Variants in NTM observed in about 807,000 individuals in gnomAD.
The protein encoded by NTM is neurotrimin.
In NTM, 13 loss-of-function variants were observed where a neutral mutation model predicts 42.1. The observed-to-expected ratio is 0.31, with a 90% CI of 0.20 to 0.49. NTM has a LOEUF of 0.49. NTM is among the 20% of genes least tolerant of loss of function. NTM has a pLI of 0.99. For missense variants in NTM, 373 were observed against 452.8 expected, an observed-to-expected ratio of 0.82 and a Z score of 1.60; for synonymous variants, 187 against 179.2, an observed-to-expected ratio of 1.04 and a Z score of -0.35.
intron 1 of NTM, among the ~76,000 whole-genome samples, chr11:131,460,851 G>T (rs1380167468): frequency 6.6e-6 from 1 of 152,206 alleles, no homozygotes; most frequent in Non-Finnish European, 1.5e-5. Context: ...ACCGCGCCCT[G>T]CCAAGAGAGT....
intron 1 of NTM, among the ~76,000 whole-genome samples, chr11:131,702,291 A>T (rs915375859): frequency 5.9e-5 from 9 of 152,250 alleles, no homozygotes; most frequent in Admixed American, 5.2e-4. Flanking sequence ...GTAGTGATGA[A>T]GTGCCGATTC....
chr11:131,498,871 T>C lies in NTM; in HGVS notation c.82+127983T>C, dbSNP rs75939050. On this transcript the variant is annotated intron_variant, in intron 1 of 8. Coordinates refer to ENST00000683400, the MANE Select transcript of NTM (RefSeq NM_001352005.2). ...TGCTGGTAAGCAGGAGGATGCCAGC[T>C]CATGCCACGGGGACTTCTGCCTGGC... Among the ~76,000 whole-genome samples, 1,416 of 152,326 alleles carry C rather than the reference T, an allele frequency of 9.3e-3. 13 individuals carry two copies. The highest frequency in any genetic ancestry group is 0.014 in the Non-Finnish European group (957 of 68,026).
intron 1 of NTM, among the ~76,000 whole-genome samples, chr11:131,633,826 C>T (rs971752485): frequency 7.6e-5 from 11 of 144,558 alleles, no homozygotes; most frequent in African/African-American, 2.8e-4. Flanking sequence ...TTTAGAAGAG[C>T]AAACAGCTGG....
intron 2 of NTM, among the ~76,000 whole-genome samples, chr11:132,071,155 G>A (rs184979462): frequency 0.014 from 1,971 of 142,148 alleles, 2 homozygotes; most frequent in African/African-American, 0.048. Flanking sequence ...AAGTTAACAC[G>A]TCAAACTGAC....
chr11:132,064,215 C>T (rs2081105961), intron 2 of NTM, among the ~76,000 whole-genome samples: 2 of 152,126 alleles, frequency 1.3e-5, no homozygotes, highest in South Asian at 4.1e-4. Context: ...CTTTCTTTCT[C>T]TGGAAAACAA....
chr11:132,176,649 A>G (rs1267673156), intron 3 of NTM, among the ~76,000 whole-genome samples: 2 of 147,542 alleles, frequency 1.4e-5, no homozygotes, highest in East Asian at 2.0e-4. Flanking sequence ...TTATATTCAT[A>G]TATTTCTTAG....
rs548423361 is a variant in NTM at position 131,554,127 on chromosome 11, G to A, written c.82+183239G>A. On this transcript the variant is annotated intron_variant, in intron 1 of 8. Coordinates refer to ENST00000683400, the MANE Select transcript of NTM (RefSeq NM_001352005.2). Reference sequence around the variant, plus strand: ...CTCCTTAGGTTTGTTTAGTTCTTATGTACTAACACAGGTTCATGCTCTTTT... The same window carrying A: ...CTCCTTAGGTTTGTTTAGTTCTTATATACTAACACAGGTTCATGCTCTTTT... 5.9e-5 allele frequency among the ~76,000 whole-genome samples: 9 copies of A among 152,256 alleles called. No individual in the cohort carries two copies. In the South Asian group the frequency reaches 1.9e-3, roughly 32 times the overall value.
At chr11:132,086,197 G>A (rs929696066) in intron 2 of NTM, among the ~76,000 whole-genome samples, 4 of 151,832 alleles carry the variant, frequency 2.6e-5, no homozygotes, top group Non-Finnish European at 4.4e-5. Context: ...GGTGGTGGGC[G>A]CCTGTAGTCC....
chr11:132,215,642 G>C (rs182095828), intron 4 of NTM, among the ~76,000 whole-genome samples: 57 of 152,238 alleles, frequency 3.7e-4, no homozygotes, highest in African/African-American at 1.3e-3. Flanking sequence ...GACCTCCAAG[G>C]CCACCTCTTG....
chr11:132,034,007 A>G (rs1401561792), intron 2 of NTM, among the ~76,000 whole-genome samples: 1 of 152,186 alleles, frequency 6.6e-6, no homozygotes, highest in Non-Finnish European at 1.5e-5. Context: ...TTTATTTTTC[A>G]TGAAGGAGAC....
At chr11:131,498,918 C>T (rs934850884) in intron 1 of NTM, among the ~76,000 whole-genome samples, 2 of 152,176 alleles carry the variant, frequency 1.3e-5, no homozygotes, top group African/African-American at 4.8e-5. Flanking sequence ...AGTGTCAGTT[C>T]CAGGCAGGAG....
At chr11:131,545,373 T>C (rs318982) in intron 1 of NTM, among the ~76,000 whole-genome samples, 96,311 of 152,006 alleles carry the variant, frequency 0.63, 34,909 homozygotes, top group East Asian at 0.95. Flanking sequence ...ATGACTTTTT[T>C]TCTCTCAGCT....
intron 1 of NTM, among the ~76,000 whole-genome samples, chr11:131,904,969 A>G (rs2053654974): frequency 6.6e-6 from 1 of 152,152 alleles, no homozygotes; most frequent in Non-Finnish European, 1.5e-5. Flanking sequence ...CTCTAAGAGC[A>G]TTCCCAGGGC....
At chr11:131,685,851 ACACT>A (rs886286015) in intron 1 of NTM, among the ~76,000 whole-genome samples, 6 of 152,228 alleles carry the variant, frequency 3.9e-5, no homozygotes, top group Non-Finnish European at 7.3e-5. Context: ...CATAAAGAAG[ACACT>A]CAATATATAA....
intron 1 of NTM, among the ~76,000 whole-genome samples, chr11:131,515,113 C>A (rs936165722): frequency 6.6e-6 from 1 of 152,032 alleles, no homozygotes; most frequent in South Asian, 2.1e-4. Flanking sequence ...TGAGGTCTCC[C>A]TATGTTGCCC....
intron 1 of NTM, among the ~76,000 whole-genome samples, chr11:131,685,727 A>G (rs1456465725): frequency 1.3e-5 from 2 of 152,224 alleles, no homozygotes; most frequent in Non-Finnish European, 2.9e-5. Context: ...GTGACATAGT[A>G]GCATTCACTT....
At chr11:131,476,104 T>G (rs1237746251) in intron 1 of NTM, among the ~76,000 whole-genome samples, 1 of 149,330 alleles carries the variant, frequency 6.7e-6, no homozygotes, top group Non-Finnish European at 1.5e-5. Context: ...AGCCTGTGTA[T>G]TCTTCTTAGT....
intron 1 of NTM, among the ~76,000 whole-genome samples, chr11:131,814,569 T>A (rs1331050327): frequency 1.3e-5 from 2 of 152,018 alleles, no homozygotes; most frequent in Non-Finnish European, 2.9e-5. Context: ...AGAAAGAAAA[T>A]GTATCAATGG....
At chr11:131,509,762 T>C (rs1199611317) in intron 1 of NTM, among the ~76,000 whole-genome samples, 1 of 152,214 alleles carries the variant, frequency 6.6e-6, no homozygotes, top group Non-Finnish European at 1.5e-5. Flanking sequence ...TCTAATTCTT[T>C]CTTTAGAGAT....
Sources: allele counts gnomAD v4.1 joint callset (sites outside exome capture counted in the v4.1 genomes callset), GRCh38; gene constraint gnomAD v4.1.1; transcripts MANE v1.5; gene names NCBI Gene and HGNC (gene_info 2026-07-23, HGNC 2026-07-21).